The following DIP2B variants were observed in gnomAD, a reference collection of about 807,000 sequenced individuals.
The protein encoded by DIP2B is disco-interacting protein 2 homolog B.
Under a neutral mutation model 198.0 loss-of-function variants are expected in DIP2B, and 76 were observed. That is an observed-to-expected ratio of 0.38 (90% CI 0.32 to 0.46). The LOEUF is 0.46. DIP2B is among the 20% of genes least tolerant of loss of function. The probability of loss-of-function intolerance (pLI) is 0.99; values close to 1 mark genes in which losing one functional copy is unlikely to be tolerated. For synonymous variants in DIP2B, 701 were observed against 739.1 expected (o/e 0.95, Z 0.84); for missense variants, 1,559 against 1,978.4 (o/e 0.79, Z 4.02).
chr12:50,722,583 T>G lies in DIP2B; in HGVS notation c.3167-619T>G, dbSNP rs116438979. 3.2e-3 allele frequency among the ~76,000 whole-genome samples: 491 copies of G among 152,226 alleles called. 2 individuals are homozygous for G. The highest frequency in any genetic ancestry group is 0.011 in the African/African-American group (472 of 41,540). ...ATGTGATTCTCATGTGCTGCCTTATTTACCTAGATACTGAGATTTCGTAGA... is the reference window on the plus strand; with the variant it reads ...ATGTGATTCTCATGTGCTGCCTTATGTACCTAGATACTGAGATTTCGTAGA... On this transcript the variant is annotated intron_variant, in intron 26 of 37. Coordinates refer to ENST00000301180, the MANE Select transcript of DIP2B (RefSeq NM_173602.3).
At chr12:50,532,202 G>A (rs1049913121) in intron 1 of DIP2B, among the ~76,000 whole-genome samples, 1 of 152,138 alleles carries the variant, frequency 6.6e-6, no homozygotes, top group African/African-American at 2.4e-5. Context: ...GTGGCCTTAT[G>A]AGTATTCTCT....
chr12:50,701,329 A>C (rs191539505), intron 19 of DIP2B, among the ~76,000 whole-genome samples: 1 of 152,324 alleles, frequency 6.6e-6, no homozygotes, highest in Admixed American at 6.5e-5. Flanking sequence ...TGTAGTTAAC[A>C]TTTCACTGGA....
At chr12:50,633,341 G>A (rs1376284917) in intron 2 of DIP2B, 2 of 152,174 alleles carry the variant, frequency 1.3e-5, no homozygotes, top group African/African-American at 4.8e-5. Flanking sequence ...CCTGTGCAAT[G>A]ATGACATGCA....
At chr12:50,529,505 A>T (rs1342696326) in intron 1 of DIP2B, among the ~76,000 whole-genome samples, 2 of 152,168 alleles carry the variant, frequency 1.3e-5, no homozygotes, top group Non-Finnish European at 2.9e-5. Context: ...AGCGTGTTTG[A>T]GGAACTGTGA....
At chr12:50,714,724 G>A in intron 23 of DIP2B, 128 bp downstream of exon 23, 1 of 1,092,504 alleles carries the variant, frequency 9.2e-7, no homozygotes, top group Non-Finnish European at 1.3e-6. Context: ...AGGGTCGTGT[G>A]AGCCCAGGAG....
rs748887020 is a variant in DIP2B at position 50,739,576 on chromosome 12, G to A, written c.4344G>A (p.Ala1448=). ...TTGTCCGCCGGACCGAGCTCACAGC[G>A]GCCACTGGAGGTACTTCTGCAACAA... ...LGFVRRTELT[A]ATGERHDALY... Residue 1448 remains alanine, a synonymous_variant, in exon 36 of 38, where the codon GCG becomes GCA. Coordinates refer to ENST00000301180, the MANE Select transcript of DIP2B (RefSeq NM_173602.3). 21 of 1,613,346 alleles carry A rather than the reference G, an allele frequency of 1.3e-5. No individual in the cohort carries two copies. The highest frequency in any genetic ancestry group is 6.7e-5 in the Admixed American group (4 of 59,992).
intron 1 of DIP2B, among the ~76,000 whole-genome samples, chr12:50,541,854 T>C (rs1958328827): frequency 1.3e-5 from 2 of 151,572 alleles, no homozygotes. Flanking sequence ...ATACAAAAAT[T>C]AGCCAGACGT....
At chr12:50,530,177 T>C (rs560352381) in intron 1 of DIP2B, among the ~76,000 whole-genome samples, 4 of 152,114 alleles carry the variant, frequency 2.6e-5, no homozygotes, top group African/African-American at 9.6e-5. Context: ...CCTGGGTTCA[T>C]GCCATTCTCC....
In DIP2B at chr12:50,574,093, A is replaced by G. The variant is rs534871168; in HGVS notation, c.101-51883A>G. ...TCTTGCCTGTTTCATTTTACAAACA[A>G]ATGTGAAGGACAATACTTTCTCCAT... On this transcript the variant is annotated intron_variant, in intron 1 of 37. Transcript: ENST00000301180. 1.2e-3 allele frequency among the ~76,000 whole-genome samples: 184 copies of G among 152,306 alleles called. 2 individuals carry two copies. Among genetic ancestry groups the G allele is most frequent in the African/African-American group, 4.2e-3 (174 of 41,562 alleles).
chr12:50,566,062 A>G (rs1958560775), intron 1 of DIP2B, among the ~76,000 whole-genome samples: 1 of 151,756 alleles, frequency 6.6e-6, no homozygotes, highest in South Asian at 2.1e-4. Context: ...TTTTTTTCTG[A>G]GACAGGGTCT....
chr12:50,696,545 C>T (rs1168663174), intron 16 of DIP2B, among the ~76,000 whole-genome samples: 2 of 152,186 alleles, frequency 1.3e-5, no homozygotes, highest in Non-Finnish European at 2.9e-5. Flanking sequence ...CTTTTCTCTA[C>T]AAGCCCCCAA....
At chr12:50,661,311 G>A (rs1180517972) in intron 4 of DIP2B, among the ~76,000 whole-genome samples, 1 of 152,150 alleles carries the variant, frequency 6.6e-6, no homozygotes, top group Admixed American at 6.5e-5. Context: ...ATACGTCTTT[G>A]GGGAGATTCC....
intron 1 of DIP2B, among the ~76,000 whole-genome samples, chr12:50,586,862 T>C (rs963326649): frequency 6.6e-6 from 1 of 152,228 alleles, no homozygotes; most frequent in African/African-American, 2.4e-5. Flanking sequence ...CGTGAGCCAC[T>C]GTGCCCGGCA....
At chr12:50,675,065 G>A (rs750145908) in intron 6 of DIP2B, among the ~76,000 whole-genome samples, 4 of 152,112 alleles carry the variant, frequency 2.6e-5, no homozygotes, top group Non-Finnish European at 5.9e-5. Flanking sequence ...CTCCAGCCTG[G>A]GGTGACAGAG....
Position 50,747,237 on chromosome 12 carries a change from G to A in DIP2B, c.*2398G>A, listed in dbSNP as rs1940352670. 6.6e-6 allele frequency: 1 copy of A among 152,190 alleles called. No homozygotes were observed. Among genetic ancestry groups the A allele is most frequent in the South Asian group, 2.1e-4 (1 of 4,830 alleles). 9.4% of individuals were successfully genotyped at this position (152,190 alleles called of 1,614,324 possible). A position where few individuals can be genotyped will look rare whatever the true frequency, so the allele number is the denominator to read the frequency against. On this transcript the variant is annotated 3_prime_UTR_variant, in exon 38 of 38. Transcript: ENST00000301180. ...TGACTAGTGGCTACCATATTAGACA[G>A]TGCAGATCTATACTCATTCCTTCAA...
intron 2 of DIP2B, among the ~76,000 whole-genome samples, chr12:50,630,359 C>G (rs942879736): frequency 1.1e-4 from 16 of 151,754 alleles, no homozygotes; most frequent in African/African-American, 3.6e-4. Flanking sequence ...TCCCTCTTGT[C>G]TTTCTTCTCT....
rs1463419886 is a variant in DIP2B, at chr12:50,724,872, C to T, written c.3386C>T (p.Thr1129Ile). The part of the protein sequence containing the change: ...AAAVDVKTWP[T>I]IIDTDDLPRK... ...GCTGTGGATGTGAAAACCTGGCCAA[C>T]CATCATTGACACAGGTGAAAGGGAG... The change falls in exon 28 of 38, where the codon ACC (threonine) becomes ATC (isoleucine). Residue 1129 changes from threonine to isoleucine, a missense_variant. Physicochemically the swap from Thr to Ile is moderately conservative, Grantham distance 89. Transcript: ENST00000301180. 21 of 1,614,012 alleles carry T rather than the reference C, an allele frequency of 1.3e-5. No individual in the cohort carries two copies. The highest frequency in any genetic ancestry group is 1.7e-5 in the Non-Finnish European group (20 of 1,180,010).
At chr12:50,551,542 C>G (rs988499640) in intron 1 of DIP2B, among the ~76,000 whole-genome samples, 1 of 152,176 alleles carries the variant, frequency 6.6e-6, no homozygotes, top group African/African-American at 2.4e-5. Flanking sequence ...CTCCCAGGCT[C>G]AAGCCATCCT....
intron 4 of DIP2B, among the ~76,000 whole-genome samples, chr12:50,666,618 A>G (rs1446356085): frequency 1.3e-5 from 2 of 152,324 alleles, no homozygotes; most frequent in Middle Eastern, 6.8e-3. Context: ...AATGTTAACT[A>G]TAATGATAAA....
Sources: gnomAD v4.1 joint callset for allele counts (sites outside exome capture counted in the v4.1 genomes callset) on GRCh38, gnomAD v4.1.1 for gene constraint, MANE v1.5 for transcripts, NCBI Gene and HGNC (gene_info 2026-07-23, HGNC 2026-07-21) for gene names.